The following MAP3K7CL variants were observed in gnomAD, a reference collection of about 807,000 sequenced individuals.
The protein encoded by MAP3K7CL is MAP3K7 C-terminal-like protein.
Under a neutral mutation model 18.6 loss-of-function variants are expected in MAP3K7CL, and 16 were observed. That is an observed-to-expected ratio of 0.86 (90% confidence interval 0.58 to 1.31). MAP3K7CL has a LOEUF of 1.31. Among genes scored for constraint, MAP3K7CL ranks in the 50% most tolerant of loss-of-function variants. The pLI is 0.00. For missense variants in MAP3K7CL, 163 were observed against 174.4 expected, an observed-to-expected ratio of 0.93 and a Z score of 0.37; for synonymous variants, 65 against 66.8, an observed-to-expected ratio of 0.97 and a Z score of 0.13.
chr21:29,119,609 T>C (rs1769187543), intron 4 of MAP3K7CL, among the ~76,000 whole-genome samples: 1 of 152,082 alleles, frequency 6.6e-6, no homozygotes, highest in Non-Finnish European at 1.5e-5. Flanking sequence ...CAGCAGCTTT[T>C]TGAAAAACGT....
chr21:29,087,809 G>A (rs2085953439), intron 1 of MAP3K7CL, among the ~76,000 whole-genome samples: 1 of 151,772 alleles, frequency 6.6e-6, no homozygotes, highest in Non-Finnish European at 1.5e-5. Flanking sequence ...TAGCCAGGAT[G>A]GTCTCGATCT....
intron 4 of MAP3K7CL, among the ~76,000 whole-genome samples, chr21:29,098,258 T>G (rs141216628): frequency 6.6e-6 from 1 of 152,346 alleles, no homozygotes; most frequent in Non-Finnish European, 1.5e-5. Context: ...TTTCTCTCCG[T>G]GTGCTCCACA....
chr21:29,125,428 C>T (rs1310941259), intron 4 of MAP3K7CL, among the ~76,000 whole-genome samples: 1 of 152,118 alleles, frequency 6.6e-6, no homozygotes, highest in Admixed American at 6.5e-5. Flanking sequence ...TGGTTCTAAC[C>T]CCTGTCATTC....
intron 3 of MAP3K7CL, among the ~76,000 whole-genome samples, chr21:29,156,543 C>T (rs555345386): frequency 1.3e-5 from 2 of 152,274 alleles, no homozygotes; most frequent in Non-Finnish European, 2.9e-5. Flanking sequence ...TTGATTAATA[C>T]TGTTGGCCAT....
intron 4 of MAP3K7CL, among the ~76,000 whole-genome samples, chr21:29,100,015 G>A (rs2086195849): frequency 1.3e-5 from 2 of 151,522 alleles, no homozygotes. Context: ...CCTGGGAGGC[G>A]GAGCTTGCAG....
upstream of MAP3K7CL, among the ~76,000 whole-genome samples, chr21:29,126,930 T>A (rs766773798): frequency 6.6e-6 from 1 of 152,230 alleles, no homozygotes; most frequent in Non-Finnish European, 1.5e-5. Flanking sequence ...GGGGAAAATG[T>A]CTTCTCAACT....
intron 4 of MAP3K7CL, among the ~76,000 whole-genome samples, chr21:29,104,790 C>G (rs752214851): frequency 4.6e-5 from 7 of 152,214 alleles, no homozygotes; most frequent in Non-Finnish European, 7.3e-5. Context: ...GGCTAATCCT[C>G]GTTAGCTGAG....
At chr21:29,131,971 C>G (rs562499953) in intron 1 of MAP3K7CL, among the ~76,000 whole-genome samples, 15 of 152,280 alleles carry the variant, frequency 9.9e-5, no homozygotes, top group African/African-American at 3.6e-4. Context: ...TTCCCAGAAT[C>G]TCTTTAAGGA....
chr21:29,129,755 G>A (rs1477526653), upstream of MAP3K7CL, among the ~76,000 whole-genome samples: 1 of 152,180 alleles, frequency 6.6e-6, no homozygotes, highest in Non-Finnish European at 1.5e-5. Flanking sequence ...ATACTATTAT[G>A]TTTTCATTCC....
chr21:29,133,484 C>A, intron 2 of MAP3K7CL, 70 bp downstream of exon 2: 1 of 1,194,990 alleles, frequency 8.4e-7, no homozygotes, highest in Non-Finnish European at 1.2e-6. Flanking sequence ...TCTAATGCCA[C>A]GCCTCTGTGG....
intron 3 of MAP3K7CL, chr21:29,092,406 C>G: frequency 1.9e-6 from 3 of 1,612,562 alleles, no homozygotes. Flanking sequence ...TTTGTCTCAT[C>G]ATGACTTTGA....
At chr21:29,114,973 T>C (rs1409621060) in intron 4 of MAP3K7CL, among the ~76,000 whole-genome samples, 1 of 152,222 alleles carries the variant, frequency 6.6e-6, no homozygotes, top group Non-Finnish European at 1.5e-5. Flanking sequence ...CACAGAGCCC[T>C]GAGGAAATCT....
intron 3 of MAP3K7CL, among the ~76,000 whole-genome samples, chr21:29,152,199 C>T (rs2087291905): frequency 6.6e-6 from 1 of 152,180 alleles, no homozygotes; most frequent in Non-Finnish European, 1.5e-5. Context: ...TTCTGTACTC[C>T]AGGGCGTGAG....
chr21:29,113,785 C>T (rs1047410432), intron 4 of MAP3K7CL, among the ~76,000 whole-genome samples: 1 of 152,176 alleles, frequency 6.6e-6, no homozygotes, highest in African/African-American at 2.4e-5. Flanking sequence ...CCTCGGCCTC[C>T]TGAAGTGCTG....
exon 3 of MAP3K7CL, chr21:29,091,751 T>G (rs987255915): frequency 2.8e-6 from 2 of 702,564 alleles, no homozygotes; most frequent in Admixed American, 2.0e-5. Context: ...CTTGAAGTGC[T>G]TGGATTACAG....
chr21:29,152,914 A>G (rs940197176), intron 3 of MAP3K7CL, among the ~76,000 whole-genome samples: 3 of 152,228 alleles, frequency 2.0e-5, no homozygotes, highest in African/African-American at 7.2e-5. Context: ...GCCATAATGT[A>G]GTTATAGAAT....
At chr21:29,119,015 A>G (rs767824318) in intron 4 of MAP3K7CL, among the ~76,000 whole-genome samples, 3 of 152,118 alleles carry the variant, frequency 2.0e-5, no homozygotes, top group Non-Finnish European at 2.9e-5. Context: ...ATGTGTTTGC[A>G]TGACTATTTC....
chr21:29,109,110 G>A (rs1032910954), intron 4 of MAP3K7CL: 2 of 1,535,116 alleles, frequency 1.3e-6, no homozygotes, highest in Admixed American at 3.9e-5. Context: ...AAATTATGAA[G>A]ACCACCTGGG....
intron 2 of MAP3K7CL, among the ~76,000 whole-genome samples, chr21:29,145,011 A>T (rs2087095396): frequency 6.6e-6 from 1 of 152,232 alleles, no homozygotes; most frequent in Non-Finnish European, 1.5e-5. Context: ...ATCTGTTTAT[A>T]TAAAAAATTT....
Sources: gnomAD v4.1 joint callset for allele counts (sites outside exome capture counted in the v4.1 genomes callset) on GRCh38, gnomAD v4.1.1 for gene constraint, MANE v1.5 for transcripts, NCBI Gene and HGNC (gene_info 2026-07-23, HGNC 2026-07-21) for gene names.